The following BFSP2 variants were observed in gnomAD, a reference collection of about 807,000 sequenced individuals.
BFSP2 encodes the protein beaded filament structural protein 2.
In BFSP2, 38 loss-of-function variants were observed where a neutral mutation model predicts 44.9. That is an observed-to-expected ratio of 0.85 (90% CI 0.65 to 1.11). The LOEUF is 1.11. Ranked by LOEUF, BFSP2 falls within the 50% of genes least tolerant of loss-of-function variation. BFSP2 has a pLI of 0.00. For missense variants in BFSP2, 525 were observed against 533.0 expected (o/e 0.99, Z 0.15); for synonymous variants, 197 against 209.9 (o/e 0.94, Z 0.53).
chr3:133,457,557 T>TA (rs72367595), intron 4 of BFSP2, among the ~76,000 whole-genome samples: 37 of 152,038 alleles, frequency 2.4e-4, no homozygotes, highest in East Asian at 1.3e-3. Context: ...AATATATATA[T>TA]TTTTTTTCCT....
intron 1 of BFSP2, among the ~76,000 whole-genome samples, chr3:133,417,144 C>A (rs866377068): frequency 7.1e-6 from 1 of 141,218 alleles, no homozygotes; most frequent in Non-Finnish European, 1.5e-5. Context: ...CCTGCCCTCT[C>A]CCCTCTCTCA....
intron 5 of BFSP2, among the ~76,000 whole-genome samples, chr3:133,470,670 T>C (rs2074153878): frequency 6.6e-6 from 1 of 151,150 alleles, no homozygotes; most frequent in Admixed American, 6.6e-5. Flanking sequence ...AGTGCTATCA[T>C]CCAGGGCAAT....
chr3:133,413,684 T>C (rs1271479724), intron 1 of BFSP2, among the ~76,000 whole-genome samples: 2 of 152,070 alleles, frequency 1.3e-5, no homozygotes, highest in African/African-American at 4.8e-5. Context: ...TAGAGCTGGC[T>C]GTCACAAGTG....
At chr3:133,412,192 C>T (rs772376938) in intron 1 of BFSP2, 2 of 152,128 alleles carry the variant, frequency 1.3e-5, no homozygotes, top group Non-Finnish European at 1.5e-5. Flanking sequence ...AAATAGGCCA[C>T]GTGCTTATAA....
chr3:133,432,409 C>A (rs993617483), intron 1 of BFSP2, among the ~76,000 whole-genome samples: 5 of 152,176 alleles, frequency 3.3e-5, no homozygotes, highest in Admixed American at 6.5e-5. Context: ...CTCGTCCCAG[C>A]CTCTCTCTGC....
intron 1 of BFSP2, among the ~76,000 whole-genome samples, chr3:133,442,592 A>G (rs1468391284): frequency 2.6e-5 from 4 of 152,174 alleles, no homozygotes; most frequent in African/African-American, 9.7e-5. Flanking sequence ...GGATATTACA[A>G]TGGGATATTA....
intron 1 of BFSP2, among the ~76,000 whole-genome samples, chr3:133,415,466 T>A (rs1339175059): frequency 2.0e-5 from 2 of 102,376 alleles, no homozygotes; most frequent in Admixed American, 2.2e-4. Flanking sequence ...TCCTGTCCTC[T>A]CCCCTCTACT....
intron 4 of BFSP2, among the ~76,000 whole-genome samples, chr3:133,466,491 C>A (rs928517504): frequency 9.2e-5 from 14 of 151,442 alleles, no homozygotes; most frequent in African/African-American, 3.4e-4. Flanking sequence ...ACCAGCCTGA[C>A]CAACATGGTG....
At chr3:133,402,258 T>C (rs1277873202) in intron 1 of BFSP2, among the ~76,000 whole-genome samples, 2 of 152,256 alleles carry the variant, frequency 1.3e-5, no homozygotes, top group Admixed American at 6.5e-5. Context: ...TTATACTCAA[T>C]AGATACTGAC....
At chr3:133,464,816 T>A (rs566157571) in intron 4 of BFSP2, among the ~76,000 whole-genome samples, 1 of 152,100 alleles carries the variant, frequency 6.6e-6, no homozygotes, top group South Asian at 2.1e-4. Context: ...ATTGAGACTC[T>A]GAGAAGCTGA....
In BFSP2 at chr3:133,417,207, G is replaced by A. The variant is rs116154520; in HGVS notation, c.489+16635G>A. On this transcript the variant is annotated intron_variant, in intron 1 of 6. Coordinates refer to ENST00000302334, the MANE Select transcript of BFSP2 (RefSeq NM_003571.4). ...CTCTATCCACCCCTCTAGTCACCCCGCCTCTCCCCTCTACTTACCCGTGTC... is the reference window on the plus strand; with the variant it reads ...CTCTATCCACCCCTCTAGTCACCCCACCTCTCCCCTCTACTTACCCGTGTC... Among the ~76,000 whole-genome samples the A allele has an allele frequency of 6.3e-3, 375 of 59,198 alleles. 4 individuals are homozygous for A. Among genetic ancestry groups the A allele is most frequent in the South Asian group, 0.051 (80 of 1,554 alleles). 38.8% of individuals were successfully genotyped at this position (59,198 alleles called of 152,430 possible).
At chr3:133,424,220 T>TGTGTGTG (rs1553778827) in intron 1 of BFSP2, among the ~76,000 whole-genome samples, 29 of 62,860 alleles carry the variant, frequency 4.6e-4, no homozygotes, top group East Asian at 2.6e-3. Context: ...TAATTTTTTT[T>TGTGTGTG]TTTTTTTTTT....
intron 4 of BFSP2, among the ~76,000 whole-genome samples, chr3:133,458,558 G>A (rs1042995374): frequency 2.0e-5 from 3 of 152,108 alleles, no homozygotes; most frequent in African/African-American, 7.2e-5. Context: ...AGCCGGGTGT[G>A]GTGGCACACA....
Position 133,442,628 on chromosome 3 carries a change from G to A in BFSP2, c.490-4689G>A, listed in dbSNP as rs569963230. ...TAATGGGATAGGAGAGCATGATGGG[G>A]ACTTGCACTAGGGTGATGTCAAGAG... On this transcript the variant is annotated intron_variant, in intron 1 of 6. Transcript: ENST00000302334. 2.1e-3 allele frequency among the ~76,000 whole-genome samples: 314 copies of A among 152,270 alleles called. 3 individuals carry two copies. The highest frequency in any genetic ancestry group is 1.1e-3 in the Non-Finnish European group (76 of 68,022).
chr3:133,423,229 G>C (rs191096804), intron 1 of BFSP2, among the ~76,000 whole-genome samples: 3 of 152,170 alleles, frequency 2.0e-5, no homozygotes, highest in Non-Finnish European at 4.4e-5. Context: ...GTGGCTAATG[G>C]TGCAAGCCGT....
At chr3:133,420,747 G>A (rs888060769) in intron 1 of BFSP2, among the ~76,000 whole-genome samples, 1 of 152,194 alleles carries the variant, frequency 6.6e-6, no homozygotes, top group Non-Finnish European at 1.5e-5. Context: ...GAGGCTGGGG[G>A]CTGAGAGGTA....
intron 1 of BFSP2, among the ~76,000 whole-genome samples, chr3:133,409,796 G>C (rs544122238): frequency 9.2e-5 from 14 of 152,268 alleles, no homozygotes; most frequent in African/African-American, 3.1e-4. Context: ...CTGGGAGGGT[G>C]GCTACCCCAA....
chr3:133,437,409 G>A (rs2073798152), intron 1 of BFSP2, among the ~76,000 whole-genome samples: 1 of 152,096 alleles, frequency 6.6e-6, no homozygotes, highest in Admixed American at 6.5e-5. Context: ...TGTAATCCCA[G>A]CTACCCAGGA....
At chr3:133,412,120 T>C (rs1425038395) in intron 1 of BFSP2, among the ~76,000 whole-genome samples, 1 of 152,256 alleles carries the variant, frequency 6.6e-6, no homozygotes. Context: ...TAATATGATG[T>C]CTGGGATTTG....
Sources: allele counts gnomAD v4.1 joint callset (sites outside exome capture counted in the v4.1 genomes callset), GRCh38; gene constraint gnomAD v4.1.1; transcripts MANE v1.5; gene names NCBI Gene and HGNC (gene_info 2026-07-23, HGNC 2026-07-21).